The following PPP1R12B variants were observed in gnomAD, a reference collection of about 807,000 sequenced individuals.
PPP1R12B encodes the protein protein phosphatase 1 regulatory subunit 12B, also known as myosin phosphatase target subunit 2.
In PPP1R12B, 76 loss-of-function variants were observed where a neutral mutation model predicts 126.1. The ratio of observed to expected loss-of-function variants is 0.60; its 90% CI spans 0.50 to 0.73. The LOEUF is 0.73. Ranked by LOEUF, PPP1R12B falls within the 30% of genes least tolerant of loss-of-function variation. The pLI, the probability that PPP1R12B is intolerant of heterozygous loss-of-function variation, is 0.00. For missense variants in PPP1R12B, 1,052 were observed against 1,205.1 expected (o/e 0.87, Z 1.88); for synonymous variants, 356 against 434.7 (o/e 0.82, Z 2.25).
intron 18 of PPP1R12B, among the ~76,000 whole-genome samples, chr1:202,541,598 C>G (rs1463774509): frequency 2.0e-5 from 3 of 152,088 alleles, no homozygotes; most frequent in African/African-American, 7.2e-5. Flanking sequence ...TATCTTTGCT[C>G]CCTTCCCTCT....
chr1:202,376,184 A>G (rs184443356), intron 1 of PPP1R12B, among the ~76,000 whole-genome samples: 66 of 152,282 alleles, frequency 4.3e-4, no homozygotes, highest in African/African-American at 1.5e-3. Flanking sequence ...GCTTAAAAAT[A>G]TTTGATTTTC....
intron 6 of PPP1R12B, among the ~76,000 whole-genome samples, 178 bp from the exon 7 acceptor site, chr1:202,430,553 A>G (rs1670059041): frequency 6.6e-6 from 1 of 152,044 alleles, no homozygotes; most frequent in South Asian, 2.1e-4. Context: ...CCTTGGATGA[A>G]TTCTGTCATC....
intron 12 of PPP1R12B, among the ~76,000 whole-genome samples, chr1:202,446,256 A>ATATATATATATATATTTT (rs376183502): frequency 3.3e-4 from 18 of 54,338 alleles, no homozygotes; most frequent in Non-Finnish European, 5.7e-4. Context: ...ATATATATAT[A>ATATATATATATATATTTT]TTTTTTTTTT....
At chr1:202,401,361 ATTTT>A (rs34810265) in intron 1 of PPP1R12B, among the ~76,000 whole-genome samples, 116 of 71,428 alleles carry the variant, frequency 1.6e-3, no homozygotes, top group African/African-American at 5.4e-3. Context: ...GGCTAATTTA[ATTTT>A]TTTTTTTTTT....
At chr1:202,469,500 A>T (rs1292284347) in intron 13 of PPP1R12B, among the ~76,000 whole-genome samples, 1 of 152,210 alleles carries the variant, frequency 6.6e-6, no homozygotes, top group Non-Finnish European at 1.5e-5. Flanking sequence ...AATTTTCCTT[A>T]TGCTAGGACT....
At chr1:202,367,181 T>G (rs1659386566) in intron 1 of PPP1R12B, among the ~76,000 whole-genome samples, 2 of 152,222 alleles carry the variant, frequency 1.3e-5, no homozygotes, top group Non-Finnish European at 1.5e-5. Context: ...AGATCTGATA[T>G]AAAGCCTTTT....
chr1:202,439,579 G>A, intron 10 of PPP1R12B: 1 of 1,329,906 alleles, frequency 7.5e-7, no homozygotes, highest in South Asian at 1.3e-5. Context: ...CCACCCAGGT[G>A]GCCGCCACCC....
chr1:202,508,191 C>CAGAT lies in PPP1R12B; in HGVS notation c.2490+11372_2490+11375dup, dbSNP rs931498528. Among the ~76,000 whole-genome samples the CAGAT allele has an allele frequency of 1.3e-5, 2 of 152,174 alleles. No homozygotes were observed. The highest frequency in any genetic ancestry group is 2.9e-5 in the Non-Finnish European group (2 of 68,018). On this transcript the variant is annotated intron_variant, in intron 18 of 23. Coordinates refer to ENST00000608999, the MANE Select transcript of PPP1R12B (RefSeq NM_002481.4). This position sits in a 1 kb window ranked among gnomAD's most constrained non-coding sequence, Gnocchi z 4.5. ...TCTTCAGTAAAGCAAGTTCAAGGAT[C>CAGAT]AGATAGCAGCCATTTAGTGACATGA...
intron 21 of PPP1R12B, chr1:202,567,380 C>CTTTTTTTTTTTT (rs35011066): frequency 6.8e-6 from 1 of 147,812 alleles, no homozygotes; most frequent in Non-Finnish European, 1.5e-5. Context: ...AAAGAAAAGC[C>CTTTTTTTTTTTT]TTTTTTTTTT....
chr1:202,580,351 T>G, intron 23 of PPP1R12B, 123 bp from the exon 24 acceptor site: 3 of 681,316 alleles, frequency 4.4e-6, no homozygotes, highest in Non-Finnish European at 8.0e-6. Context: ...GAAGGGACCA[T>G]GAGAGTTTAT....
chr1:202,418,369 T>G (rs1668349671), intron 2 of PPP1R12B, among the ~76,000 whole-genome samples: 2 of 152,260 alleles, frequency 1.3e-5, no homozygotes, highest in South Asian at 4.1e-4. Flanking sequence ...CCTAAGTTTT[T>G]TCTTTCACTT....
At chr1:202,550,686 C>T (rs564550959) in intron 18 of PPP1R12B, among the ~76,000 whole-genome samples, 1 of 152,222 alleles carries the variant, frequency 6.6e-6, no homozygotes, top group East Asian at 1.9e-4. Flanking sequence ...AGAAATGTGA[C>T]CCATGTGCTA....
chr1:202,529,305 GAAA>G (rs1216109447), intron 18 of PPP1R12B, among the ~76,000 whole-genome samples: 3 of 117,210 alleles, frequency 2.6e-5, no homozygotes, highest in Admixed American at 8.8e-5. Flanking sequence ...TGTTATTATT[GAAA>G]AAAAAAAAAA....
At chr1:202,571,438 G>GT (rs1688588683) in intron 23 of PPP1R12B, among the ~76,000 whole-genome samples, 4 of 116,720 alleles carry the variant, frequency 3.4e-5, no homozygotes, top group Admixed American at 1.0e-4. Context: ...TTGTGAGGCT[G>GT]TTTTTTGTTT....
chr1:202,379,656 C>T (rs1661899948), intron 1 of PPP1R12B, among the ~76,000 whole-genome samples: 1 of 152,164 alleles, frequency 6.6e-6, no homozygotes, highest in African/African-American at 2.4e-5. Flanking sequence ...CATAGTCTGC[C>T]ATAGGTCTAT....
rs1289462886 is a variant in PPP1R12B, at chr1:202,348,831, G to A, written c.-21G>A. On this transcript the variant is annotated 5_prime_UTR_variant, in exon 1 of 24. Coordinates refer to ENST00000608999, the MANE Select transcript of PPP1R12B (RefSeq NM_002481.4). ...TAATTTAGTGTTGGTAGTTTTGGCA[G>A]CAGCTGCCGAGGCCGGAGCAATGGC... The A allele has an allele frequency of 1.9e-6, 3 of 1,594,698 alleles. No individual in the cohort carries two copies. The highest frequency in any genetic ancestry group is 1.1e-5 in the South Asian group (1 of 88,422).
rs1180861578 is a variant in PPP1R12B at position 202,580,814 on chromosome 1, A to T, written c.*254A>T. ...GATTGTGGTAATTCGAGCCATCTGG[A>T]GAATGCTCTGGGGAGTACACCAGGC... On this transcript the variant is annotated 3_prime_UTR_variant, in exon 24 of 24. Coordinates refer to ENST00000608999, the MANE Select transcript of PPP1R12B (RefSeq NM_002481.4). 1 of 432,664 alleles carries T rather than the reference A, an allele frequency of 2.3e-6. No homozygotes were observed. The highest frequency in any genetic ancestry group is 4.3e-6 in the Non-Finnish European group (1 of 230,964). 26.8% of individuals were successfully genotyped at this position (432,664 alleles called of 1,614,324 possible). A position where few individuals can be genotyped will look rare whatever the true frequency, so the allele number is the denominator to read the frequency against.
chr1:202,462,974 G>A, intron 13 of PPP1R12B: 2 of 985,300 alleles, frequency 2.0e-6, no homozygotes, highest in South Asian at 9.4e-5. Flanking sequence ...GTTGATCTGG[G>A]TGTTCTGGGG....
chr1:202,470,642 C>A (rs1675724001), intron 13 of PPP1R12B, among the ~76,000 whole-genome samples: 1 of 152,056 alleles, frequency 6.6e-6, no homozygotes, highest in African/African-American at 2.4e-5. Context: ...GCCTATAATA[C>A]TAGCACTTTG....
Sources: allele counts gnomAD v4.1 joint callset (sites outside exome capture counted in the v4.1 genomes callset), GRCh38; gene constraint gnomAD v4.1.1; non-coding constraint Gnocchi (gnomAD v3.1); transcripts MANE v1.5; gene names NCBI Gene and HGNC (gene_info 2026-07-23, HGNC 2026-07-21).